The following UNC5D variants were observed in gnomAD, a reference collection of about 807,000 sequenced individuals.
UNC5D encodes netrin receptor UNC5D.
Under a neutral mutation model 105.4 loss-of-function variants are expected in UNC5D, and 39 were observed. The ratio of observed to expected loss-of-function variants is 0.37; its 90% CI spans 0.29 to 0.48. The LOEUF (loss-of-function observed/expected upper bound fraction) is 0.48. Among genes scored for constraint, UNC5D ranks in the 20% least tolerant of loss-of-function variants. UNC5D has a pLI of 0.98. For synonymous variants in UNC5D, 452 were observed against 450.4 expected (o/e 1.00, Z -0.04); for missense variants, 991 against 1,202.4 (o/e 0.82, Z 2.60).
At chr8:35,520,426 T>C (rs1338457412) in intron 1 of UNC5D, among the ~76,000 whole-genome samples, 1 of 152,092 alleles carries the variant, frequency 6.6e-6, no homozygotes, top group African/African-American at 2.4e-5. Flanking sequence ...GGGGAACAAC[T>C]GTTAATGGGT....
chr8:35,563,405 G>A (rs1192747638), intron 2 of UNC5D, among the ~76,000 whole-genome samples: 1 of 151,574 alleles, frequency 6.6e-6, no homozygotes, highest in African/African-American at 2.4e-5. Context: ...TTGCTTTCTT[G>A]ATTTCTTTTT....
At chr8:35,440,335 T>C (rs1355082928) in intron 1 of UNC5D, among the ~76,000 whole-genome samples, 1 of 151,968 alleles carries the variant, frequency 6.6e-6, no homozygotes, top group Non-Finnish European at 1.5e-5. Flanking sequence ...AGCGAGTGCA[T>C]TCTTCCAAAC....
At chr8:35,737,910 C>G (rs1274834335) in intron 11 of UNC5D, among the ~76,000 whole-genome samples, 2 of 152,056 alleles carry the variant, frequency 1.3e-5, no homozygotes, top group Non-Finnish European at 2.9e-5. Context: ...AGTTCAAGAC[C>G]AGCCTGACCA....
intron 4 of UNC5D, among the ~76,000 whole-genome samples, chr8:35,597,145 C>T (rs558145647): frequency 6.6e-6 from 1 of 152,276 alleles, no homozygotes; most frequent in Admixed American, 6.5e-5. Flanking sequence ...AAAAAACACA[C>T]ATACTTGCAT....
At chr8:35,249,344 G>A (rs1222248585) in intron 1 of UNC5D, among the ~76,000 whole-genome samples, 1 of 149,240 alleles carries the variant, frequency 6.7e-6, no homozygotes, top group East Asian at 2.0e-4. Context: ...GATCACCTGA[G>A]GTCAAGAGTT....
intron 4 of UNC5D, among the ~76,000 whole-genome samples, chr8:35,609,986 T>C (rs1441808452): frequency 6.6e-6 from 1 of 152,220 alleles, no homozygotes; most frequent in African/African-American, 2.4e-5. Context: ...AGAACTTTCT[T>C]GGCAACTAAC....
intron 1 of UNC5D, among the ~76,000 whole-genome samples, chr8:35,307,671 C>T (rs1808525331): frequency 6.6e-6 from 1 of 152,174 alleles, no homozygotes; most frequent in Non-Finnish European, 1.5e-5. Flanking sequence ...GCAGGCAATG[C>T]ATGGTCACTT....
chr8:35,759,595 C>A, intron 14 of UNC5D, 126 bp downstream of exon 14: 1 of 1,091,244 alleles, frequency 9.2e-7, no homozygotes, highest in Non-Finnish European at 1.3e-6. Flanking sequence ...TCAAAACTGT[C>A]ACAGAAATGT....
chr8:35,458,179 C>CAAT (rs1808629108), intron 1 of UNC5D, among the ~76,000 whole-genome samples: 1 of 152,130 alleles, frequency 6.6e-6, no homozygotes, highest in Non-Finnish European at 1.5e-5. Context: ...TAGAGGTTGC[C>CAAT]CAGGGCAAGC....
At chr8:35,657,074 GTGTGTGTATATATATATATATATATA>G (rs1425002381) in intron 4 of UNC5D, among the ~76,000 whole-genome samples, 6 of 96,594 alleles carry the variant, frequency 6.2e-5, no homozygotes, top group African/African-American at 2.9e-4. Flanking sequence ...GTGTGTGTGT[GTGTGTGTATATATATATATATATATA>G]TATATATATA....
intron 1 of UNC5D, among the ~76,000 whole-genome samples, chr8:35,432,108 T>C (rs1806684585): frequency 6.6e-6 from 1 of 152,160 alleles, no homozygotes; most frequent in East Asian, 1.9e-4. Context: ...GGATCTATAA[T>C]ATACTAGCTG....
At chr8:35,268,844 T>C (rs889810494) in intron 1 of UNC5D, among the ~76,000 whole-genome samples, 3 of 152,240 alleles carry the variant, frequency 2.0e-5, no homozygotes, top group South Asian at 2.1e-4. Flanking sequence ...GGTCCCTACA[T>C]AGATAAGAAG....
intron 1 of UNC5D, chr8:35,254,310 C>G (rs1469207879): frequency 2.6e-5 from 4 of 152,164 alleles, no homozygotes. Flanking sequence ...TTTGCCCATC[C>G]ATGATCACTG....
At chr8:35,271,399 G>T (rs1165885510) in intron 1 of UNC5D, among the ~76,000 whole-genome samples, 1 of 137,634 alleles carries the variant, frequency 7.3e-6, no homozygotes, top group Non-Finnish European at 1.6e-5. Context: ...ACATGCACGT[G>T]TGTATGTATA....
intron 1 of UNC5D, among the ~76,000 whole-genome samples, chr8:35,420,786 G>T (rs1805849565): frequency 6.6e-6 from 1 of 151,768 alleles, no homozygotes; most frequent in South Asian, 2.1e-4. Flanking sequence ...CAGTGTGTTG[G>T]AATAAAGTAT....
intron 1 of UNC5D, among the ~76,000 whole-genome samples, chr8:35,492,877 A>G (rs1272204418): frequency 1.3e-5 from 2 of 152,180 alleles, no homozygotes; most frequent in Non-Finnish European, 2.9e-5. Context: ...CTTATTATGC[A>G]AGCAAGGTCT....
chr8:35,544,431 ATGTTATC>A (rs1176452043), intron 1 of UNC5D: 1 of 1,612,388 alleles, frequency 6.2e-7, no homozygotes, highest in Non-Finnish European at 8.5e-7. Context: ...AAGCTGTAAT[ATGTTATC>A]TGGGGGTGGA....
At chr8:35,254,804 C>T (rs917934766) in intron 1 of UNC5D, 12 of 152,064 alleles carry the variant, frequency 7.9e-5, no homozygotes, top group Admixed American at 5.2e-4. Flanking sequence ...TGATTGTCAC[C>T]CCTTAAGTCA....
intron 1 of UNC5D, among the ~76,000 whole-genome samples, chr8:35,340,441 C>T (rs1448620877): frequency 6.6e-6 from 1 of 152,120 alleles, no homozygotes; most frequent in Admixed American, 6.5e-5. Context: ...AACTGCCTTA[C>T]TTGGAATATG....
Sources: gnomAD v4.1 joint callset for allele counts (sites outside exome capture counted in the v4.1 genomes callset) on GRCh38, gnomAD v4.1.1 for gene constraint, MANE v1.5 for transcripts, NCBI Gene and HGNC (gene_info 2026-07-23, HGNC 2026-07-21) for gene names.